EIF1AX: variants seen among roughly 807,000 people sequenced by gnomAD.
EIF1AX encodes eukaryotic translation initiation factor 1A X-linked.
EIF1AX carries 1 observed loss-of-function variant against 16.1 expected under a neutral mutation model. That is an observed-to-expected ratio of 0.06 (90% CI 0.02 to 0.30). The LOEUF is 0.30. EIF1AX is among the 10% of genes least tolerant of loss of function. The pLI, the probability that EIF1AX is intolerant of heterozygous loss-of-function variation, is 1.00. For synonymous variants in EIF1AX, 32 were observed against 37.3 expected, an observed-to-expected ratio of 0.86 and a Z score of 0.51; for missense variants, 11 against 109.1, an observed-to-expected ratio of 0.10 and a Z score of 4.00.
intron 3 of EIF1AX, 44 bp downstream of exon 3, chrX:20,135,694 C>T (rs1460772520): frequency 1.0e-6 from 1 of 998,482 alleles, no homozygotes; most frequent in African/African-American, 1.9e-5. Flanking sequence ...AGGGATTTTC[C>T]CCCTTAACCA....
intron 3 of EIF1AX, among the ~76,000 whole-genome samples, chrX:20,134,468 T>C (rs2067009993): frequency 9.0e-6 from 1 of 111,481 alleles, no homozygotes; most frequent in Non-Finnish European, 1.9e-5. Flanking sequence ...GCTGGCATTG[T>C]GGCTCACGCC....
intron 6 of EIF1AX, 100 bp from the exon 7 acceptor site, chrX:20,128,411 G>A: frequency 1.5e-6 from 1 of 667,061 alleles, no homozygotes; most frequent in Non-Finnish European, 2.2e-6. Context: ...TAGGCTATGT[G>A]AGAAACAAAT....
rs1362455973 is a variant in EIF1AX, at chrX:20,125,889, T to C, written c.*2417A>G. ...TTTCCATCATGCATAGTTTACAGGC[T>C]TGGTAAGAAGCGGTCTCTTTAGGGG... On this transcript the variant is annotated 3_prime_UTR_variant, in exon 7 of 7. Transcript: ENST00000379607. 1 of 155,837 alleles carries C rather than the reference T, an allele frequency of 6.4e-6. No individual in the cohort carries two copies. Among genetic ancestry groups the C allele is most frequent in the Non-Finnish European group, 1.3e-5 (1 of 79,427 alleles). The allele number at this position is 155,837 out of a possible 1,213,427, so 12.8% of individuals were successfully genotyped here. A position where few individuals can be genotyped will look rare whatever the true frequency, so the allele number is the denominator to read the frequency against.
At chrX:20,130,705 G>T in intron 5 of EIF1AX, 98 bp from the exon 6 acceptor site, 1 of 824,676 alleles carries the variant, frequency 1.2e-6, no homozygotes, top group Non-Finnish European at 1.6e-6. Flanking sequence ...TAACTATAAA[G>T]AATATTTTAT....
At chrX:20,133,857 T>A in intron 4 of EIF1AX, 100 bp downstream of exon 4, 1 of 642,192 alleles carries the variant, frequency 1.6e-6, no homozygotes, top group South Asian at 2.7e-5. Flanking sequence ...CATAAATCCC[T>A]GGGATACCTA....
chrX:20,129,432 G>A (rs941263088), intron 6 of EIF1AX, among the ~76,000 whole-genome samples: 1 of 111,587 alleles, frequency 9.0e-6, no homozygotes, highest in African/African-American at 3.3e-5. Context: ...TTTTTGGGTT[G>A]AAATACACAG....
At chrX:20,135,523 GAATAC>G (rs978454060) in intron 3 of EIF1AX, among the ~76,000 whole-genome samples, 28 of 111,630 alleles carry the variant, frequency 2.5e-4, no homozygotes, top group African/African-American at 8.8e-4. Context: ...TTTTGGGCAG[GAATAC>G]AATACAAGTG....
At chrX:20,128,860 C>T (rs1448161705) in intron 6 of EIF1AX, among the ~76,000 whole-genome samples, 1 of 111,021 alleles carries the variant, frequency 9.0e-6, no homozygotes, top group Admixed American at 9.6e-5. Flanking sequence ...ATCTTGACCA[C>T]GCCTAGATTC....
Position 20,125,128 on chromosome X carries a change from T to A in EIF1AX, c.*3178A>T, listed in dbSNP as rs1490827016. On this transcript the variant is annotated 3_prime_UTR_variant, in exon 7 of 7. Transcript: ENST00000379607. ...GACAAGCAGGAGAATGTGCCAGTGG[T>A]CACCTGCAGGTAGAGGGCCAAGTAA... 4 of 148,821 alleles carry A rather than the reference T, an allele frequency of 2.7e-5. No homozygotes were observed. In the East Asian group the frequency reaches 4.2e-4, roughly 16 times the overall value. The allele number at this position is 148,821 out of a possible 1,213,427, so 12.3% of individuals were successfully genotyped here.
chrX:20,141,539 G>A (rs746397057), intron 1 of EIF1AX, 86 bp downstream of exon 1: 88 of 1,075,708 alleles, frequency 8.2e-5, no homozygotes, highest in Middle Eastern at 7.7e-4. Context: ...AAGGGTCACT[G>A]CGGCCTGGGT....
At chrX:20,132,939 C>A (rs1194584646) in intron 4 of EIF1AX, among the ~76,000 whole-genome samples, 1 of 111,960 alleles carries the variant, frequency 8.9e-6, no homozygotes, top group Non-Finnish European at 1.9e-5. Flanking sequence ...GTGATTCAGA[C>A]CAGTACTTCT....
intron 2 of EIF1AX, chrX:20,136,213 T>C: frequency 3.1e-6 from 1 of 327,239 alleles, no homozygotes; most frequent in Non-Finnish European, 5.9e-6. Flanking sequence ...ACTGCTACCT[T>C]TATAAACACG....
At position 20,141,824 on chromosome X, in the gene EIF1AX, G is replaced by T. The variant is rs1324358369; in HGVS notation, c.-184C>A. ...AGAGATCCGCCTGCGTCCACGCTCGGCGGCAGCAAATGGCGCCGCGACTCT... is the reference window on the plus strand; with the variant it reads ...AGAGATCCGCCTGCGTCCACGCTCGTCGGCAGCAAATGGCGCCGCGACTCT... On this transcript the variant is annotated 5_prime_UTR_variant, in exon 1 of 7. Transcript: ENST00000379607. The T allele has an allele frequency of 6.9e-6, 3 of 432,860 alleles. No individual in the cohort carries two copies. Among genetic ancestry groups the T allele is most frequent in the Non-Finnish European group, 1.1e-5 (3 of 263,054 alleles). 35.7% of individuals were successfully genotyped at this position (432,860 alleles called of 1,213,427 possible). A position where few individuals can be genotyped will look rare whatever the true frequency, so the allele number is the denominator to read the frequency against.
At chrX:20,134,809 AAAAT>A (rs1394222133) in intron 3 of EIF1AX, among the ~76,000 whole-genome samples, 7 of 112,573 alleles carry the variant, frequency 6.2e-5, no homozygotes, top group Non-Finnish European at 1.3e-4. Flanking sequence ...CAAATTAAAA[AAAAT>A]AAATACAAAA....
At chrX:20,130,289 C>A (rs2066997261) in intron 6 of EIF1AX, among the ~76,000 whole-genome samples, 1 of 18,678 alleles carries the variant, frequency 5.4e-5, no homozygotes, top group Non-Finnish European at 9.5e-5. Context: ...GGTGACAGAA[C>A]AAAACTCCAT....
intron 2 of EIF1AX, chrX:20,136,232 C>T: frequency 7.8e-6 from 2 of 256,757 alleles, no homozygotes; most frequent in Non-Finnish European, 1.5e-5. Flanking sequence ...CGTGTGCGTG[C>T]ACACACACAC....
chrX:20,129,921 C>A (rs945405002), intron 6 of EIF1AX, among the ~76,000 whole-genome samples: 1 of 112,304 alleles, frequency 8.9e-6, no homozygotes. Flanking sequence ...CTTAATTAAA[C>A]AAGTTATGAT....
At position 20,125,383 on chromosome X, in the gene EIF1AX, A is replaced by G; in HGVS notation, c.*2923T>C. ...AAAAAGCAAAGATAAAAAGGATGGT[A>G]GTTTAGGGTAAACCAAAAACACAAA... On this transcript the variant is annotated 3_prime_UTR_variant, in exon 7 of 7. Coordinates refer to ENST00000379607, the MANE Select transcript of EIF1AX (RefSeq NM_001412.4). 5.8e-6 allele frequency: 1 copy of G among 172,983 alleles called. No homozygotes were observed. The highest frequency in any genetic ancestry group is 1.1e-5 in the Non-Finnish European group (1 of 89,738). 14.3% of individuals were successfully genotyped at this position (172,983 alleles called of 1,213,427 possible).
intron 3 of EIF1AX, among the ~76,000 whole-genome samples, chrX:20,135,007 C>T (rs943818421): frequency 4.5e-5 from 5 of 111,334 alleles, no homozygotes; most frequent in African/African-American, 1.6e-4. Flanking sequence ...AGCTATATGT[C>T]CAATTCCTAA....
Sources: allele counts gnomAD v4.1 joint callset (sites outside exome capture counted in the v4.1 genomes callset), GRCh38; gene constraint gnomAD v4.1.1; transcripts MANE v1.5; gene names NCBI Gene and HGNC (gene_info 2026-07-23, HGNC 2026-07-21).